Variants in RCAN1 observed in about 807,000 individuals in gnomAD.
RCAN1 encodes calcipressin-1.
In RCAN1, 11 loss-of-function variants were observed where a neutral mutation model predicts 22.9. The ratio of observed to expected loss-of-function variants is 0.48; its 90% CI spans 0.30 to 0.79. The LOEUF (loss-of-function observed/expected upper bound fraction) is 0.79, where lower values mean the gene tolerates loss of function less well. Ranked by LOEUF, RCAN1 falls within the 30% of genes least tolerant of loss-of-function variation. The pLI is 0.06. For missense variants in RCAN1, 291 were observed against 337.8 expected (o/e 0.86, Z 1.09); for synonymous variants, 136 against 142.3 (o/e 0.96, Z 0.32).
intron 1 of RCAN1, among the ~76,000 whole-genome samples, chr21:34,556,049 C>G (rs996544531): frequency 1.3e-4 from 13 of 100,226 alleles, no homozygotes; most frequent in Admixed American, 4.3e-4. Context: ...GGCAACAGAG[C>G]GAGACTCCAT....
At chr21:34,595,904 C>T (rs754393588) in intron 1 of RCAN1, among the ~76,000 whole-genome samples, 1 of 152,370 alleles carries the variant, frequency 6.6e-6, no homozygotes, top group Non-Finnish European at 1.5e-5. Context: ...GGGGGTCCCC[C>T]ACACAGTCCA....
intron 1 of RCAN1, among the ~76,000 whole-genome samples, chr21:34,587,436 G>A (rs950564900): frequency 2.0e-5 from 3 of 152,050 alleles, no homozygotes; most frequent in African/African-American, 7.2e-5. Flanking sequence ...CTTATTTTAT[G>A]CTTTTAGCAT....
intron 1 of RCAN1, among the ~76,000 whole-genome samples, chr21:34,531,307 G>A (rs185633208): frequency 1.6e-3 from 246 of 152,276 alleles, no homozygotes; most frequent in African/African-American, 5.8e-3. Flanking sequence ...CAGATTCCAC[G>A]CTTGTTCCAA....
intron 1 of RCAN1, chr21:34,524,573 A>C (rs1449835973): frequency 6.6e-6 from 1 of 152,462 alleles, no homozygotes; most frequent in African/African-American, 2.4e-5. Context: ...TCTTAAAATA[A>C]GTAGTTTTTA....
chr21:34,519,285 G>A (rs974510862), intron 3 of RCAN1, among the ~76,000 whole-genome samples: 2 of 152,202 alleles, frequency 1.3e-5, no homozygotes, highest in Non-Finnish European at 2.9e-5. Flanking sequence ...AGGGGCAGGA[G>A]GTTTGCTTCA....
chr21:34,568,118 T>C (rs1021221701), intron 1 of RCAN1, among the ~76,000 whole-genome samples: 2 of 152,184 alleles, frequency 1.3e-5, no homozygotes, highest in African/African-American at 4.8e-5. Flanking sequence ...TAGCATGCCA[T>C]GGTCCCTTTA....
rs960441647 is a variant in RCAN1, at chr21:34,614,053, A to G, written c.252+707T>C. ...TACTCATACCTGCCCCTCACCCTCC[A>G]AAGTGTCTAAATTGTGTGGATTTTG... On this transcript the variant is annotated intron_variant, in intron 1 of 3. Coordinates refer to ENST00000313806, the MANE Select transcript of RCAN1 (RefSeq NM_004414.7). This position sits in a 1 kb window ranked among gnomAD's most constrained non-coding sequence, Gnocchi z 6.0. Among the ~76,000 whole-genome samples, 2 of 152,164 alleles carry G rather than the reference A, an allele frequency of 1.3e-5. No homozygotes were observed. The highest frequency in any genetic ancestry group is 2.9e-5 in the Non-Finnish European group (2 of 68,030).
At chr21:34,573,022 G>A (rs926334051) in intron 1 of RCAN1, among the ~76,000 whole-genome samples, 20 of 152,208 alleles carry the variant, frequency 1.3e-4, no homozygotes, top group South Asian at 8.3e-4. Context: ...TGGGGACACA[G>A]AGCCAAACCA....
At chr21:34,546,402 C>A (rs1397691234) in intron 1 of RCAN1, among the ~76,000 whole-genome samples, 2 of 149,016 alleles carry the variant, frequency 1.3e-5, no homozygotes, top group Non-Finnish European at 1.5e-5. Flanking sequence ...AATGTAAAAA[C>A]TATTTTCTTT....
chr21:34,564,842 A>G (rs1793429194), intron 1 of RCAN1, among the ~76,000 whole-genome samples: 2 of 152,144 alleles, frequency 1.3e-5, no homozygotes, highest in South Asian at 4.1e-4. Flanking sequence ...GAAAACCAGA[A>G]AAAGAGAATT....
chr21:34,583,506 G>A (rs2284601), intron 1 of RCAN1, among the ~76,000 whole-genome samples: 1 of 152,018 alleles, frequency 6.6e-6, no homozygotes, highest in Non-Finnish European at 1.5e-5. Context: ...TAATCTGATC[G>A]GTGTCTTTGT....
At chr21:34,594,898 G>T (rs1233691363) in intron 1 of RCAN1, among the ~76,000 whole-genome samples, 3 of 152,220 alleles carry the variant, frequency 2.0e-5, no homozygotes, top group African/African-American at 4.8e-5. Context: ...GGGTGGACAG[G>T]CAGCATGGGT....
At chr21:34,542,793 T>C (rs532584229) in intron 1 of RCAN1, among the ~76,000 whole-genome samples, 1 of 151,978 alleles carries the variant, frequency 6.6e-6, no homozygotes, top group Non-Finnish European at 1.5e-5. Context: ...AGTGGAACAG[T>C]GGGTGTAAGA....
At chr21:34,543,173 C>A (rs1216612566) in intron 1 of RCAN1, among the ~76,000 whole-genome samples, 1 of 152,248 alleles carries the variant, frequency 6.6e-6, no homozygotes, top group African/African-American at 2.4e-5. Flanking sequence ...GGCTGAATGA[C>A]AGCCCCTCCC....
rs1269697728 is a variant in RCAN1 at position 34,523,527 on chromosome 21, C to G, written c.426+10G>C. On this transcript the variant is annotated intron_variant, in intron 2 of 3. Coordinates refer to ENST00000313806, the MANE Select transcript of RCAN1 (RefSeq NM_004414.7). Reference sequence around the variant, plus strand: ...AGGGAGAAGCATGCATAGCAATGAACCCAACTCACCTGAGCAAAATATAAC... The same window carrying G: ...AGGGAGAAGCATGCATAGCAATGAAGCCAACTCACCTGAGCAAAATATAAC... 6.2e-7 allele frequency: 1 copy of G among 1,613,050 alleles called. No individual in the cohort carries two copies. The highest frequency in any genetic ancestry group is 2.2e-5 in the East Asian group (1 of 44,874).
intron 1 of RCAN1, among the ~76,000 whole-genome samples, chr21:34,609,131 T>C (rs1351021533): frequency 6.6e-6 from 1 of 152,206 alleles, no homozygotes; most frequent in Non-Finnish European, 1.5e-5. Context: ...TAATTAATAT[T>C]CTCCTGAGGT....
chr21:34,579,808 C>A (rs1001390099), intron 1 of RCAN1, among the ~76,000 whole-genome samples: 18 of 152,216 alleles, frequency 1.2e-4, no homozygotes, highest in Admixed American at 9.8e-4. Context: ...CCAGCCACAA[C>A]CCAGTCCTCA....
chr21:34,561,056 A>T (rs900964473), intron 1 of RCAN1, among the ~76,000 whole-genome samples: 1 of 152,146 alleles, frequency 6.6e-6, no homozygotes. Flanking sequence ...CGATGATTTT[A>T]TAAGTGCCTA....
chr21:34,603,641 G>A (rs940238953), intron 1 of RCAN1, among the ~76,000 whole-genome samples: 2 of 152,076 alleles, frequency 1.3e-5, no homozygotes, highest in African/African-American at 2.4e-5. Flanking sequence ...CCCCAGAGTC[G>A]GATATCCAGT....
Sources: allele counts gnomAD v4.1 joint callset (sites outside exome capture counted in the v4.1 genomes callset), GRCh38; gene constraint gnomAD v4.1.1; non-coding constraint Gnocchi (gnomAD v3.1); transcripts MANE v1.5; gene names NCBI Gene and HGNC (gene_info 2026-07-23, HGNC 2026-07-21).